TDG: variants seen among roughly 807,000 people sequenced by gnomAD.
The protein encoded by TDG is G/T mismatch-specific thymine DNA glycosylase.
Under a neutral mutation model 46.1 loss-of-function variants are expected in TDG, and 23 were observed. That is an observed-to-expected ratio of 0.50 (90% CI 0.36 to 0.71). The LOEUF is 0.71. TDG is among the 30% of genes least tolerant of loss of function. TDG has a pLI of 0.00. For missense variants in TDG, 304 were observed against 486.7 expected (o/e 0.62, Z 3.53); for synonymous variants, 115 against 161.3 (o/e 0.71, Z 2.18).
chr12:103,970,869 T>C (rs922790222), intron 1 of TDG, among the ~76,000 whole-genome samples: 1 of 152,156 alleles, frequency 6.6e-6, no homozygotes, highest in Non-Finnish European at 1.5e-5. Context: ...GAAAATATAG[T>C]CGACCTTCCA....
intron 9 of TDG, chr12:103,986,678 A>T: frequency 3.5e-6 from 1 of 286,180 alleles, no homozygotes; most frequent in South Asian, 5.1e-5. Context: ...ACACCACTGG[A>T]CTCCAGCCTG....
At chr12:103,978,586 G>A (rs1343985623) in intron 2 of TDG, among the ~76,000 whole-genome samples, 4 of 152,196 alleles carry the variant, frequency 2.6e-5, no homozygotes, top group Non-Finnish European at 5.9e-5. Context: ...AGAGAGGAGG[G>A]ACTGACTGCC....
chr12:103,986,489 G>A (rs1398943027), intron 9 of TDG: 1 of 152,802 alleles, frequency 6.5e-6, no homozygotes, highest in Non-Finnish European at 1.5e-5. Flanking sequence ...TTGAGGTCAG[G>A]AGTTCGAGAC....
In TDG at chr12:103,988,734, G is replaced by A. The variant is rs564669387; in HGVS notation, c.*1644G>A. Reference sequence around the variant, plus strand: ...GTAATAATGATGTTTTTCCTAACATGACAGATGAGTAGTAAATGTTGATAT... The same window carrying A: ...GTAATAATGATGTTTTTCCTAACATAACAGATGAGTAGTAAATGTTGATAT... On this transcript the variant is annotated 3_prime_UTR_variant, in exon 10 of 10. Transcript: ENST00000392872. 1.3e-5 allele frequency: 2 copies of A among 152,506 alleles called. No individual in the cohort carries two copies. The highest frequency in any genetic ancestry group is 2.4e-5 in the African/African-American group (1 of 41,592). 9.4% of individuals were successfully genotyped at this position (152,506 alleles called of 1,614,324 possible). A position where few individuals can be genotyped will look rare whatever the true frequency, so the allele number is the denominator to read the frequency against.
At chr12:103,985,313 T>C (rs1368486345) in intron 8 of TDG, among the ~76,000 whole-genome samples, 2 of 152,004 alleles carry the variant, frequency 1.3e-5, no homozygotes, top group Non-Finnish European at 2.9e-5. Context: ...TAAAATCTCC[T>C]TTTACCAAGG....
chr12:103,972,024 A>T (rs987638136), intron 1 of TDG, among the ~76,000 whole-genome samples: 11 of 152,344 alleles, frequency 7.2e-5, no homozygotes, highest in African/African-American at 2.4e-4. Flanking sequence ...ATGCATACAC[A>T]AATGTATTTA....
intron 1 of TDG, among the ~76,000 whole-genome samples, chr12:103,970,771 T>TA (rs1566177598): frequency 6.6e-6 from 1 of 151,598 alleles, no homozygotes; most frequent in Non-Finnish European, 1.5e-5. Flanking sequence ...ATTAAAAAAA[T>TA]AAAAAAATAG....
chr12:103,968,740 T>G (rs1418346680), intron 1 of TDG, among the ~76,000 whole-genome samples: 1 of 152,244 alleles, frequency 6.6e-6, no homozygotes, highest in Non-Finnish European at 1.5e-5. Context: ...AATAAACACG[T>G]GGGTTCCTGT....
At position 103,987,798 on chromosome 12, in the gene TDG, C is replaced by G. The variant is rs2136246732; in HGVS notation, c.*708C>G. On this transcript the variant is annotated 3_prime_UTR_variant, in exon 10 of 10. Transcript: ENST00000392872. ...CCTTTTGCCACTCATCTGTGTTTTACTTGAGACATGTAAATATGATAGGGA... is the reference window on the plus strand; with the variant it reads ...CCTTTTGCCACTCATCTGTGTTTTAGTTGAGACATGTAAATATGATAGGGA... The G allele has an allele frequency of 6.6e-6, 1 of 152,628 alleles. No homozygotes were observed. Among genetic ancestry groups the G allele is most frequent in the East Asian group, 1.9e-4 (1 of 5,194 alleles). 9.5% of individuals were successfully genotyped at this position (152,628 alleles called of 1,614,324 possible). A position where few individuals can be genotyped will look rare whatever the true frequency, so the allele number is the denominator to read the frequency against.
At chr12:103,968,672 G>A (rs1871166195) in intron 1 of TDG, among the ~76,000 whole-genome samples, 1 of 152,236 alleles carries the variant, frequency 6.6e-6, no homozygotes. Context: ...TGTGTTTCAA[G>A]GGAGAGGCCA....
At chr12:103,972,350 C>T (rs1420183304) in intron 1 of TDG, among the ~76,000 whole-genome samples, 1 of 152,206 alleles carries the variant, frequency 6.6e-6, no homozygotes, top group Non-Finnish European at 1.5e-5. Flanking sequence ...AACTCCTAAC[C>T]TCGTGATCCA....
At chr12:103,969,513 G>A (rs1871200739) in intron 1 of TDG, among the ~76,000 whole-genome samples, 1 of 152,188 alleles carries the variant, frequency 6.6e-6, no homozygotes, top group African/African-American at 2.4e-5. Flanking sequence ...GGTGCTGATG[G>A]CATGGTGATA....
At chr12:103,982,668 A>T (rs1871901707) in intron 4 of TDG, 131 bp from the exon 5 acceptor site, 1 of 798,858 alleles carries the variant, frequency 1.3e-6, no homozygotes, top group Non-Finnish European at 2.0e-6. Context: ...AGGAGGCTGA[A>T]GTGGGAGGAT....
At chr12:103,981,822 C>A (rs1871850487) in intron 4 of TDG, among the ~76,000 whole-genome samples, 1 of 152,056 alleles carries the variant, frequency 6.6e-6, no homozygotes, top group Non-Finnish European at 1.5e-5. Flanking sequence ...CTAGCCTGTA[C>A]AACATACCAA....
intron 9 of TDG, 61 bp downstream of exon 9, chr12:103,985,789 A>T (rs566805166): frequency 6.4e-6 from 9 of 1,404,876 alleles, no homozygotes; most frequent in Admixed American, 2.7e-5. Flanking sequence ...TTGGGGGGAA[A>T]ATTTTAATAG....
chr12:103,970,382 G>A (rs548396559), intron 1 of TDG, among the ~76,000 whole-genome samples: 16 of 152,162 alleles, frequency 1.1e-4, no homozygotes, highest in Non-Finnish European at 2.2e-4. Context: ...GGAGACTGAG[G>A]TGAGAGGATT....
chr12:103,973,027 G>T (rs1871351821), intron 1 of TDG: 1 of 702,390 alleles, frequency 1.4e-6, no homozygotes, highest in South Asian at 1.5e-5. Flanking sequence ...AGAAACATGG[G>T]AGAGTGGTAG....
chr12:103,979,109 C>CTTTTTTTTTTTTTT (rs372883902), intron 2 of TDG, among the ~76,000 whole-genome samples: 1 of 123,604 alleles, frequency 8.1e-6, no homozygotes, highest in African/African-American at 3.0e-5. Flanking sequence ...TTTTTTCTTT[C>CTTTTTTTTTTTTTT]TTTTTTTTTT....
intron 1 of TDG, among the ~76,000 whole-genome samples, chr12:103,966,742 A>G (rs1566176161): frequency 6.6e-6 from 1 of 152,208 alleles, no homozygotes; most frequent in Non-Finnish European, 1.5e-5. Flanking sequence ...AAAAATGGAT[A>G]TGGTGACAGT....
Sources: allele counts gnomAD v4.1 joint callset (sites outside exome capture counted in the v4.1 genomes callset), GRCh38; gene constraint gnomAD v4.1.1; transcripts MANE v1.5; gene names NCBI Gene and HGNC (gene_info 2026-07-23, HGNC 2026-07-21).